The following DYNC1H1 variants were observed in gnomAD, a reference collection of about 807,000 sequenced individuals.
The protein encoded by DYNC1H1 is dynein cytoplasmic 1 heavy chain 1.
DYNC1H1 carries 51 observed loss-of-function variants against 527.1 expected under a neutral mutation model. The ratio of observed to expected loss-of-function variants is 0.10; its 90% confidence interval spans 0.08 to 0.12. The LOEUF is 0.12. Among genes scored for constraint, DYNC1H1 ranks in the 10% least tolerant of loss-of-function variants. The pLI is 1.00. For synonymous variants in DYNC1H1, 2,189 were observed against 2,278.8 expected (o/e 0.96, Z 1.12); for missense variants, 2,771 against 5,971.8 (o/e 0.46, Z 17.66).
rs571132827 is a variant in DYNC1H1 at position 102,007,527 on chromosome 14, C to T, written c.5817+419C>T. ...TTATACTTTACATCTGTCATGATAACGGCTGTTGTTCATGAAGTAACTGCT... is the reference window on the plus strand; with the variant it reads ...TTATACTTTACATCTGTCATGATAATGGCTGTTGTTCATGAAGTAACTGCT... On this transcript the variant is annotated intron_variant, in intron 28 of 77. Coordinates refer to ENST00000360184, the MANE Select transcript of DYNC1H1 (RefSeq NM_001376.5). Among the ~76,000 whole-genome samples the T allele has an allele frequency of 1.1e-4, 16 of 152,252 alleles. No homozygotes were observed. In the South Asian group the frequency reaches 3.3e-3, roughly 32 times the overall value.
chr14:102,049,213 C>T lies in DYNC1H1; in HGVS notation c.13373-227C>T, dbSNP rs2048770161. Reference sequence around the variant, plus strand: ...GAAAGACACACCTGGACTAATTTGACCCTAGAAACTGCACGGTTCTGAGAC... The same window carrying T: ...GAAAGACACACCTGGACTAATTTGATCCTAGAAACTGCACGGTTCTGAGAC... On this transcript the variant is annotated intron_variant, in intron 74 of 77. Transcript: ENST00000360184. The surrounding 1 kb of genome is among the most constrained non-coding windows in gnomAD (Gnocchi z 5.5). The T allele has an allele frequency of 1.6e-6, 1 of 613,858 alleles. No individual in the cohort carries two copies. The allele number at this position is 613,858 out of a possible 1,614,324, so 38.0% of individuals were successfully genotyped here.
intron 56 of DYNC1H1, 94 bp downstream of exon 56, chr14:102,034,546 A>C: frequency 6.3e-7 from 1 of 1,598,488 alleles, no homozygotes; most frequent in Non-Finnish European, 8.5e-7. Context: ...AGAGAGGAAT[A>C]GAAAATGGGG....
In DYNC1H1 at chr14:102,025,508, G is replaced by A. The variant is rs567235997; in HGVS notation, c.8638-1066G>A. Among the ~76,000 whole-genome samples, 5 of 148,586 alleles carry A rather than the reference G, an allele frequency of 3.4e-5. No homozygotes were observed. In the East Asian group the frequency reaches 9.9e-4, roughly 29 times the overall value. The stretch of plus-strand genomic sequence containing the variant: ...ACCCAGGAGGCAGAGGTTGCAGTGA[G>A]CTGAGATCAGGCCACTGCACTCTAG... On this transcript the variant is annotated intron_variant, in intron 43 of 77. Transcript: ENST00000360184.
intron 41 of DYNC1H1, among the ~76,000 whole-genome samples, chr14:102,019,584 A>G (rs1431909368): frequency 6.6e-6 from 1 of 152,212 alleles, no homozygotes; most frequent in East Asian, 1.9e-4. Flanking sequence ...CTGGACAGTT[A>G]TTTATCCAAT....
At chr14:101,999,949 G>C in intron 16 of DYNC1H1, 40 bp from the exon 17 acceptor site, 1 of 1,613,802 alleles carries the variant, frequency 6.2e-7, no homozygotes, top group East Asian at 2.2e-5. Flanking sequence ...TCTCTCCTGA[G>C]ACATTGTGCT....
Position 102,018,475 on chromosome 14 carries a change from G to A in DYNC1H1, c.8202G>A (p.Val2734=), listed in dbSNP as rs202023896. The A allele has an allele frequency of 1.1e-4, 177 of 1,613,728 alleles. No homozygotes were observed. Among genetic ancestry groups the A allele is most frequent in the Non-Finnish European group, 1.4e-4 (171 of 1,180,034 alleles). Reference sequence around the variant, plus strand: ...GGTTCCTGCGCCACGTGCCTGTCGTGTATGTGGATTACCCGGGCCCCGCCT... The same window carrying A: ...GGTTCCTGCGCCACGTGCCTGTCGTATATGTGGATTACCCGGGCCCCGCCT... The part of the protein sequence containing the change: ...SHRFLRHVPV[V]YVDYPGPASL... Residue 2734 remains valine, a synonymous_variant, in exon 41 of 78, where the codon GTG becomes GTA. Transcript: ENST00000360184. This position sits in a 1 kb window ranked among gnomAD's most constrained non-coding sequence, Gnocchi z 5.2.
At position 101,971,085 on chromosome 14, in the gene DYNC1H1, C is replaced by CTTTTTT. The variant is rs780745783; in HGVS notation, c.257-4602_257-4597dup. Among the ~76,000 whole-genome samples the CTTTTTT allele has an allele frequency of 2.0e-4, 13 of 64,082 alleles. 1 individual carries two copies. Among genetic ancestry groups the CTTTTTT allele is most frequent in the Admixed American group, 4.2e-4 (2 of 4,744 alleles). The allele number at this position is 64,082 out of a possible 152,430, so 42.0% of individuals were successfully genotyped here. ...CTACTCAGGAGAGGGCCGTATCATT[C>CTTTTTT]TTTTTTTTTTTTTTTTTTTTTTTTT... On this transcript the variant is annotated intron_variant, in intron 1 of 77. Coordinates refer to ENST00000360184, the MANE Select transcript of DYNC1H1 (RefSeq NM_001376.5).
rs1432631677 is a variant in DYNC1H1 at position 101,983,887 on chromosome 14, C to T, written c.1461+278C>T. The stretch of plus-strand genomic sequence containing the variant: ...AGAGACAGGCTTTTACCATGTTGGC[C>T]AGGCTGGTTTTGAACTGGCCTTCAA... On this transcript the variant is annotated intron_variant, in intron 7 of 77. Coordinates refer to ENST00000360184, the MANE Select transcript of DYNC1H1 (RefSeq NM_001376.5). The surrounding 1 kb of genome is among the most constrained non-coding windows in gnomAD (Gnocchi z 5.3). 1.3e-5 allele frequency among the ~76,000 whole-genome samples: 2 copies of T among 152,094 alleles called. No individual in the cohort carries two copies. Among genetic ancestry groups the T allele is most frequent in the Non-Finnish European group, 2.9e-5 (2 of 68,020 alleles).
intron 51 of DYNC1H1, 21 bp downstream of exon 51, chr14:102,030,303 C>A (rs749167158): frequency 6.2e-7 from 1 of 1,614,078 alleles, no homozygotes; most frequent in South Asian, 1.1e-5. Flanking sequence ...ACTGTCAGAG[C>A]TTTGATGTCT....
intron 1 of DYNC1H1, among the ~76,000 whole-genome samples, chr14:101,972,215 TAAA>T (rs1267604604): frequency 7.1e-6 from 1 of 140,788 alleles, no homozygotes. Context: ...GACAACTATT[TAAA>T]AAAAAAAAAA....
Position 102,050,916 on chromosome 14 carries a change from G to C in DYNC1H1, c.*353G>C. On this transcript the variant is annotated 3_prime_UTR_variant, in exon 78 of 78. Coordinates refer to ENST00000360184, the MANE Select transcript of DYNC1H1 (RefSeq NM_001376.5). Reference sequence around the variant, plus strand: ...CCCACCTCGCTTTCATCATGAGCTCGCTCCCGAGCGGCCACAGCACTCATG... The same window carrying C: ...CCCACCTCGCTTTCATCATGAGCTCCCTCCCGAGCGGCCACAGCACTCATG... 2.8e-6 allele frequency: 1 copy of C among 361,892 alleles called. No individual in the cohort carries two copies. The highest frequency in any genetic ancestry group is 2.3e-5 in the South Asian group (1 of 44,422). 22.4% of individuals were successfully genotyped at this position (361,892 alleles called of 1,614,324 possible).
In DYNC1H1 at chr14:102,038,629, A is replaced by G. The variant is rs367560367; in HGVS notation, c.11055+23A>G. On this transcript the variant is annotated intron_variant, in intron 58 of 77. Transcript: ENST00000360184. This position sits in a 1 kb window ranked among gnomAD's most constrained non-coding sequence, Gnocchi z 7.2. ...ACTGTAAGGAATGGGACCCTTCCCC[A>G]GGGAAATCTGGCAGGATGTGGTTTT... 3 of 1,614,100 alleles carry G rather than the reference A, an allele frequency of 1.9e-6. No individual in the cohort carries two copies. In the African/African-American group the frequency reaches 4.0e-5, roughly 22 times the overall value.
intron 7 of DYNC1H1, among the ~76,000 whole-genome samples, chr14:101,984,889 C>T (rs1317233351): frequency 8.5e-5 from 12 of 141,844 alleles, no homozygotes; most frequent in African/African-American, 1.3e-4. Context: ...GCCGAGATCG[C>T]GCCACTGCAT....
rs34327327 is a variant in DYNC1H1 at position 102,053,141 on chromosome 14, CT to C, written c.*2595del. On this transcript the variant is annotated 3_prime_UTR_variant, in exon 78 of 78. Transcript: ENST00000360184. ...CTGCCTTGCAAATGAATTTTTCTTT[CT>C]TTTTTTTTTTTTTTTTGAGACGGAA... 36,667 of 134,588 alleles carry C rather than the reference CT, an allele frequency of 0.27. 4,793 individuals are homozygous for C. The highest frequency in any genetic ancestry group is 0.45 in the African/African-American group (15,663 of 35,108). The allele number at this position is 134,588 out of a possible 1,614,324, so 8.3% of individuals were successfully genotyped here.
chr14:102,010,250 G>A lies in DYNC1H1; in HGVS notation c.6222-26G>A. 6.2e-7 allele frequency: 1 copy of A among 1,613,736 alleles called. No homozygotes were observed. The highest frequency in any genetic ancestry group is 8.5e-7 in the Non-Finnish European group (1 of 1,179,992). ...TTGCTTAAAGTATACTGTTATTAAA[G>A]ATAGCCTTTTTTTCTTCTTTTCTAG... On this transcript the variant is annotated intron_variant, in intron 30 of 77. Transcript: ENST00000360184. The surrounding 1 kb of genome is among the most constrained non-coding windows in gnomAD (Gnocchi z 6.0).
At position 102,010,581 on chromosome 14, in the gene DYNC1H1, G is replaced by T. The variant is rs2048246789; in HGVS notation, c.6405+122G>T. 4.0e-6 allele frequency: 6 copies of T among 1,511,026 alleles called. No homozygotes were observed. Among genetic ancestry groups the T allele is most frequent in the Non-Finnish European group, 3.6e-6 (4 of 1,108,016 alleles). 93.6% of individuals were successfully genotyped at this position (1,511,026 alleles called of 1,614,324 possible). Reference sequence around the variant, plus strand: ...CACATGTCTTGGGATGGCTGAAATAGACTGTAATGTTGACCCAGTGAGTCG... The same window carrying T: ...CACATGTCTTGGGATGGCTGAAATATACTGTAATGTTGACCCAGTGAGTCG... On this transcript the variant is annotated intron_variant, in intron 31 of 77. Transcript: ENST00000360184. This position sits in a 1 kb window ranked among gnomAD's most constrained non-coding sequence, Gnocchi z 6.0.
rs1049537027 is a variant in DYNC1H1, at chr14:101,965,531, A to G, written c.256+584A>G. Among the ~76,000 whole-genome samples, 1 of 152,146 alleles carries G rather than the reference A, an allele frequency of 6.6e-6. No homozygotes were observed. Among genetic ancestry groups the G allele is most frequent in the Admixed American group, 6.5e-5 (1 of 15,280 alleles). On this transcript the variant is annotated intron_variant, in intron 1 of 77. Transcript: ENST00000360184. The surrounding 1 kb of genome is among the most constrained non-coding windows in gnomAD (Gnocchi z 4.1). Reference sequence around the variant, plus strand: ...TGTGGGGACCCAGAGGCCGAGGCCCACAGAGCGACGGTGCCAGCCCCGGGC... The same window carrying G: ...TGTGGGGACCCAGAGGCCGAGGCCCGCAGAGCGACGGTGCCAGCCCCGGGC...
Position 101,987,539 on chromosome 14 carries a change from G to A in DYNC1H1, c.2625G>A (p.Ser875=), listed in dbSNP as rs17512082. The A allele has an allele frequency of 3.9e-3, 6,299 of 1,614,044 alleles. 138 individuals are homozygous for A. The Admixed American group carries it at 0.042, about 11-fold the overall frequency. Residue 875 remains serine, a synonymous_variant, in exon 9 of 78, where the codon TCG becomes TCA. Coordinates refer to ENST00000360184, the MANE Select transcript of DYNC1H1 (RefSeq NM_001376.5). ...ETCMYDHKTF[S]EILNRVQKAV... ...GTATGTATGACCATAAGACATTCTC[G>A]GAAATCTTGAACAGAGTCCAGAAAG...
At chr14:102,043,750 G>A in intron 69 of DYNC1H1, 125 bp from the exon 70 acceptor site, 1 of 1,350,706 alleles carries the variant, frequency 7.4e-7, no homozygotes, top group Non-Finnish European at 1.0e-6. Context: ...GTACTCATGT[G>A]AATCTGCTGC....
Sources: gnomAD v4.1 joint callset for allele counts (sites outside exome capture counted in the v4.1 genomes callset) on GRCh38, gnomAD v4.1.1 for gene constraint, Gnocchi (gnomAD v3.1) non-coding constraint, MANE v1.5 for transcripts, NCBI Gene and HGNC (gene_info 2026-07-23, HGNC 2026-07-21) for gene names.